Variants in PCM1 observed in about 807,000 individuals in gnomAD.
The protein encoded by PCM1 is pericentriolar material 1 protein.
A neutral mutation model predicts 241.9 loss-of-function variants in PCM1; 157 were observed. The ratio of observed to expected loss-of-function variants is 0.65; its 90% confidence interval spans 0.57 to 0.74. The LOEUF is 0.74. Among genes scored for constraint, PCM1 ranks in the 30% least tolerant of loss-of-function variants. The probability of loss-of-function intolerance (pLI) is 0.00; values close to 1 mark genes in which losing one functional copy is unlikely to be tolerated. For missense variants in PCM1, 3,478 were observed against 2,360.1 expected (o/e 1.47, Z -9.81); for synonymous variants, 1,085 against 784.9 (o/e 1.38, Z -6.39).
At chr8:17,972,828 C>T in intron 23 of PCM1, 141 bp downstream of exon 23, 1 of 398,502 alleles carries the variant, frequency 2.5e-6, no homozygotes, top group East Asian at 3.7e-5. Flanking sequence ...TTTTAGTTAC[C>T]TTTATATATA....
At chr8:18,011,488 C>T (rs909595714) in intron 33 of PCM1, 122 bp downstream of exon 33, 18 of 1,071,294 alleles carry the variant, frequency 1.7e-5, no homozygotes, top group Middle Eastern at 3.0e-4. Context: ...TTTTGAATTT[C>T]ACTGTGACCC....
At chr8:18,007,835 G>T (rs1161278062) in intron 30 of PCM1, among the ~76,000 whole-genome samples, 1 of 152,140 alleles carries the variant, frequency 6.6e-6, no homozygotes, top group African/African-American at 2.4e-5. Flanking sequence ...AGATAAGATA[G>T]TCTTTTGGTG....
chr8:17,961,989 A>G, intron 15 of PCM1, 45 bp from the exon 16 acceptor site: 1 of 1,548,380 alleles, frequency 6.5e-7, no homozygotes, highest in Non-Finnish European at 8.8e-7. Context: ...AAATTAATAT[A>G]ATTGCTTTAA....
chr8:18,025,203 C>G (rs376549903), intron 36 of PCM1, 158 bp from the exon 37 acceptor site: 7,521 of 277,134 alleles, frequency 0.027, 183 homozygotes, highest in Middle Eastern at 0.055. Flanking sequence ...GTGATTGTAG[C>G]TTTTCCTATG....
At chr8:17,968,633 T>A (rs1190183128) in intron 21 of PCM1, among the ~76,000 whole-genome samples, 2 of 151,996 alleles carry the variant, frequency 1.3e-5, no homozygotes, top group South Asian at 4.2e-4. Context: ...TTTGTGAATA[T>A]ATATATATAT....
In PCM1 at chr8:17,956,482, C is replaced by G. The variant is rs183707342; in HGVS notation, c.1473-122C>G. 297 of 635,680 alleles carry G rather than the reference C, an allele frequency of 4.7e-4. No homozygotes were observed. The African/African-American group carries it at 4.8e-3, about 10-fold the overall frequency. The allele number at this position is 635,680 out of a possible 1,614,324, so 39.4% of individuals were successfully genotyped here. ...ACAGTCATACCCCCTGGAGAGTTCA[C>G]TAGGTGGATATTCCATTAGGTCTAA... On this transcript the variant is annotated intron_variant, in intron 10 of 38. Coordinates refer to ENST00000325083, the MANE Select transcript of PCM1 (RefSeq NM_006197.4).
chr8:17,989,904 G>C lies in PCM1; in HGVS notation c.4456G>C (p.Glu1486Gln). The C allele has an allele frequency of 6.5e-7, 1 of 1,546,552 alleles. No homozygotes were observed. The highest frequency in any genetic ancestry group is 2.0e-5 in the Admixed American group (1 of 50,802). ...NFERETHKIS[E>Q]QNDADNASVL... ...TGAAAGAGAAACCCATAAAATAAGT[G>C]AGCAAAATGATGCTGATAATGCTAG... The change falls in exon 27 of 39, where the codon GAG becomes CAG. Residue 1486 changes from glutamate (E) to glutamine (Q), a missense_variant. Physicochemically the swap from Glu to Gln is conservative, Grantham distance 29. Transcript: ENST00000325083.
rs2129478135 is a variant in PCM1 at position 17,989,767 on chromosome 8, A to T, written c.4411-92A>T. On this transcript the variant is annotated intron_variant, in intron 26 of 38. Coordinates refer to ENST00000325083, the MANE Select transcript of PCM1 (RefSeq NM_006197.4). ...CTTATGAATATCTTTTAAGTGTACA[A>T]TTTTATGTAAATACTTAGTTATCTC... 3 of 920,946 alleles carry T rather than the reference A, an allele frequency of 3.3e-6. No homozygotes were observed. The East Asian group carries it at 8.1e-5, about 25-fold the overall frequency. 57.0% of individuals were successfully genotyped at this position (920,946 alleles called of 1,614,324 possible).
chr8:17,991,205 T>C (rs1211945339), intron 27 of PCM1, among the ~76,000 whole-genome samples: 1 of 152,196 alleles, frequency 6.6e-6, no homozygotes, highest in Non-Finnish European at 1.5e-5. Context: ...TTCACTTGTA[T>C]TGTTTAAATG....
chr8:18,008,446 G>A (rs1016468382), intron 30 of PCM1, among the ~76,000 whole-genome samples: 7 of 151,956 alleles, frequency 4.6e-5, no homozygotes, highest in African/African-American at 1.5e-4. Context: ...ATGTTACAGT[G>A]TAATAAAGGG....
Position 17,923,205 on chromosome 8 carries a change from C to A in PCM1, c.-91+17C>A, listed in dbSNP as rs1336478937. On this transcript the variant is annotated intron_variant, in intron 1 of 38. Coordinates refer to ENST00000325083, the MANE Select transcript of PCM1 (RefSeq NM_006197.4). Reference sequence around the variant, plus strand: ...CTTGTAGAGGTAATGCCTGCGCGTCCCCAGCCCTTGGCAACCTAGGGCGGC... The same window carrying A: ...CTTGTAGAGGTAATGCCTGCGCGTCACCAGCCCTTGGCAACCTAGGGCGGC... 6.6e-6 allele frequency: 1 copy of A among 152,404 alleles called. No homozygotes were observed. Among genetic ancestry groups the A allele is most frequent in the Non-Finnish European group, 1.5e-5 (1 of 68,208 alleles). 9.4% of individuals were successfully genotyped at this position (152,404 alleles called of 1,614,324 possible). A position where few individuals can be genotyped will look rare whatever the true frequency, so the allele number is the denominator to read the frequency against.
Position 17,985,577 on chromosome 8 carries a change from A to G in PCM1, c.4239A>G (p.Leu1413=), listed in dbSNP as rs1186868204. The change falls in exon 25 of 39, where the codon CTA becomes CTG. Residue 1413 remains leucine, a synonymous_variant. Coordinates refer to ENST00000325083, the MANE Select transcript of PCM1 (RefSeq NM_006197.4). ...AACTCTTCCATGAGCTGCAGCTACT[A>G]AACACAGACTACTTGAGACAGAGGG... The part of the protein sequence containing the change: ...LIELFHELQL[L]NTDYLRQRAL... The G allele has an allele frequency of 8.7e-6, 14 of 1,607,738 alleles. No homozygotes were observed. Among genetic ancestry groups the G allele is most frequent in the Non-Finnish European group, 1.2e-5 (14 of 1,176,622 alleles).
In PCM1 at chr8:18,025,527, T is replaced by C. The variant is rs1429572733; in HGVS notation, c.5935-17T>C. 2.1e-5 allele frequency: 32 copies of C among 1,549,816 alleles called. No homozygotes were observed. The highest frequency in any genetic ancestry group is 5.5e-5 in the Admixed American group (3 of 54,686). On this transcript the variant is annotated splice_polypyrimidine_tract_variant and intron_variant, in intron 37 of 38. Transcript: ENST00000325083. The stretch of plus-strand genomic sequence containing the variant: ...TAAAATGAAAAATGATTTGTATTTT[T>C]AATTTTCATTCCAAAGGCAGATCTA...
intron 29 of PCM1, among the ~76,000 whole-genome samples, chr8:18,001,274 G>C (rs1316014618): frequency 2.6e-5 from 4 of 152,006 alleles, no homozygotes; most frequent in African/African-American, 7.2e-5. Context: ...TGTTTATTCT[G>C]GTTTCTTTTC....
chr8:18,014,472 G>A, intron 35 of PCM1, 112 bp from the exon 36 acceptor site: 1 of 796,852 alleles, frequency 1.3e-6, no homozygotes, highest in African/African-American at 1.8e-5. Flanking sequence ...TTTTCTTTTT[G>A]GTCTTAAATA....
intron 7 of PCM1, among the ~76,000 whole-genome samples, chr8:17,948,121 T>C (rs889092609): frequency 2.6e-5 from 4 of 152,086 alleles, no homozygotes. Context: ...ATAATTTCTC[T>C]TCTTTGAGCG....
Position 17,980,587 on chromosome 8 carries a change from C to G in PCM1, c.3944-4C>G. ...GATAACAGTTGTCACTTTTTTTACT[C>G]AAGGGTATGAAAGTGCCAGTATGTC... is the stretch of plus-strand genomic sequence containing the variant. On this transcript the variant is annotated splice_polypyrimidine_tract_variant and splice_region_variant and intron_variant, in intron 23 of 38. Coordinates refer to ENST00000325083, the MANE Select transcript of PCM1 (RefSeq NM_006197.4). The G allele has an allele frequency of 6.4e-7, 1 of 1,565,498 alleles. No individual in the cohort carries two copies. Among genetic ancestry groups the G allele is most frequent in the East Asian group, 2.3e-5 (1 of 44,140 alleles).
At chr8:17,977,438 A>G (rs1564108383) in intron 23 of PCM1, among the ~76,000 whole-genome samples, 3 of 152,192 alleles carry the variant, frequency 2.0e-5, no homozygotes, top group Non-Finnish European at 4.4e-5. Context: ...TAAATTGACA[A>G]TATTTGGGAA....
intron 13 of PCM1, among the ~76,000 whole-genome samples, chr8:17,959,580 G>GAACAATT (rs2070629385): frequency 6.6e-6 from 1 of 152,036 alleles, no homozygotes; most frequent in Non-Finnish European, 1.5e-5. Flanking sequence ...TTGGTCTCTA[G>GAACAATT]AGAGCAATTT....
Sources: allele counts gnomAD v4.1 joint callset (sites outside exome capture counted in the v4.1 genomes callset), GRCh38; gene constraint gnomAD v4.1.1; transcripts MANE v1.5; gene names NCBI Gene and HGNC (gene_info 2026-07-23, HGNC 2026-07-21).